The following PRDM16 variants were observed in gnomAD, a reference collection of about 807,000 sequenced individuals.
PRDM16 encodes histone-lysine N-methyltransferase PRDM16.
PRDM16 carries 23 observed loss-of-function variants against 110.6 expected under a neutral mutation model. The ratio of observed to expected loss-of-function variants is 0.21; its 90% CI spans 0.15 to 0.29. The LOEUF is 0.29. PRDM16 is among the 10% of genes least tolerant of loss of function. The pLI is 1.00. For synonymous variants in PRDM16, 799 were observed against 781.8 expected (o/e 1.02, Z -0.37); for missense variants, 1,615 against 1,794.3 (o/e 0.90, Z 1.81).
intron 3 of PRDM16, among the ~76,000 whole-genome samples, chr1:3,354,687 T>A (rs1432549105): frequency 1.3e-5 from 2 of 152,130 alleles, no homozygotes; most frequent in African/African-American, 4.8e-5. Flanking sequence ...TTCTATTGGA[T>A]AATTTCCTTT....
chr1:3,242,896 C>T (rs1184496851), intron 2 of PRDM16, among the ~76,000 whole-genome samples: 1 of 152,224 alleles, frequency 6.6e-6, no homozygotes, highest in Non-Finnish European at 1.5e-5. Flanking sequence ...TCCGTATACT[C>T]GACCGTGCAT....
At chr1:3,292,189 T>G (rs902437510) in intron 3 of PRDM16, among the ~76,000 whole-genome samples, 1 of 152,220 alleles carries the variant, frequency 6.6e-6, no homozygotes, top group South Asian at 2.1e-4. Context: ...CAGGTTGAGC[T>G]GTTCTGTCCA....
At position 3,104,224 on chromosome 1, in the gene PRDM16, G is replaced by A. The variant is rs138705191; in HGVS notation, c.37+34928G>A. The stretch of plus-strand genomic sequence containing the variant: ...CTTTTCAGAACTCCAGCTCCCAGGC[G>A]GCACTGTGGGGACCCAGGAGGCGGC... On this transcript the variant is annotated intron_variant, in intron 1 of 16. Transcript: ENST00000270722. Among the ~76,000 whole-genome samples the A allele has an allele frequency of 2.5e-3, 377 of 152,302 alleles. 3 individuals carry two copies. Among genetic ancestry groups the A allele is most frequent in the African/African-American group, 8.6e-3 (358 of 41,572 alleles).
intron 16 of PRDM16, among the ~76,000 whole-genome samples, chr1:3,432,719 C>T (rs1157124437): frequency 2.0e-5 from 3 of 152,236 alleles, no homozygotes; most frequent in African/African-American, 7.2e-5. Context: ...AGGGAACAGG[C>T]CCGCCCCAGG....
intron 1 of PRDM16, among the ~76,000 whole-genome samples, chr1:3,155,058 C>T (rs1643837389): frequency 6.6e-6 from 1 of 152,184 alleles, no homozygotes; most frequent in South Asian, 2.1e-4. Flanking sequence ...CCAGGGGGTG[C>T]TCCATGTGGG....
At chr1:3,386,273 T>C (rs995377696) in intron 4 of PRDM16, among the ~76,000 whole-genome samples, 1 of 151,630 alleles carries the variant, frequency 6.6e-6, no homozygotes, top group Non-Finnish European at 1.5e-5. Flanking sequence ...CTGTGAAAAA[T>C]GTGTGTGAAG....
In PRDM16 at chr1:3,359,251, G is replaced by A. The variant is rs894006776; in HGVS notation, c.439-25901G>A. Among the ~76,000 whole-genome samples the A allele has an allele frequency of 3.3e-5, 5 of 152,076 alleles. No individual in the cohort carries two copies. Among genetic ancestry groups the A allele is most frequent in the African/African-American group, 1.2e-4 (5 of 41,380 alleles). On this transcript the variant is annotated intron_variant, in intron 3 of 16. Transcript: ENST00000270722. The surrounding 1 kb of genome is among the most constrained non-coding windows in gnomAD (Gnocchi z 4.3). ...CTTGGGGTCTCACTATGTTCCCCAG[G>A]CTTATACACATTTTTAAATGCAGAC...
Position 3,147,538 on chromosome 1 carries a change from T to A in PRDM16, c.38-38587T>A, listed in dbSNP as rs187270629. The stretch of plus-strand genomic sequence containing the variant: ...GCTGTCTTCTCTTTGAGAAATGGGA[T>A]CTCCAGTGTCTGGAAACTATCATCA... On this transcript the variant is annotated intron_variant, in intron 1 of 16. Transcript: ENST00000270722. Among the ~76,000 whole-genome samples the A allele has an allele frequency of 1.5e-4, 23 of 152,220 alleles. No individual in the cohort carries two copies. The East Asian group carries it at 4.4e-3, about 29-fold the overall frequency.
At chr1:3,214,675 G>C (rs1160030711) in intron 2 of PRDM16, among the ~76,000 whole-genome samples, 1 of 152,214 alleles carries the variant, frequency 6.6e-6, no homozygotes. Context: ...GCATCTCGCA[G>C]GGGCAAGAAT....
At chr1:3,230,403 C>T (rs578010378) in intron 2 of PRDM16, among the ~76,000 whole-genome samples, 3 of 152,296 alleles carry the variant, frequency 2.0e-5, no homozygotes, top group Admixed American at 6.5e-5. Context: ...GCTCAGTTAG[C>T]GCCGGACTCA....
intron 3 of PRDM16, among the ~76,000 whole-genome samples, chr1:3,356,267 C>T (rs190820225): frequency 6.6e-6 from 1 of 152,198 alleles, no homozygotes; most frequent in African/African-American, 2.4e-5. Flanking sequence ...AAAGCCCCCC[C>T]CAGCCCCCCT....
intron 12 of PRDM16, among the ~76,000 whole-genome samples, chr1:3,419,234 AC>A (rs1300283681): frequency 2.2e-4 from 34 of 152,178 alleles, no homozygotes; most frequent in African/African-American, 7.7e-4. Flanking sequence ...CCCACCCCCC[AC>A]TTGGAGCCCA....
intron 3 of PRDM16, among the ~76,000 whole-genome samples, chr1:3,267,410 C>T (rs973458184): frequency 2.0e-5 from 3 of 152,186 alleles, no homozygotes; most frequent in South Asian, 4.1e-4. Flanking sequence ...TCTATCCACT[C>T]GTCCCTGACC....
chr1:3,420,735 G>A (rs147131151), intron 12 of PRDM16, among the ~76,000 whole-genome samples: 1 of 105,204 alleles, frequency 9.5e-6, no homozygotes, highest in East Asian at 3.2e-4. Flanking sequence ...TGAGTTAATG[G>A]CAGTCTTATT....
chr1:3,431,154 G>A, intron 15 of PRDM16, 46 bp downstream of exon 15: 8 of 1,534,348 alleles, frequency 5.2e-6, no homozygotes, highest in Non-Finnish European at 6.2e-6. Context: ...AGGGAACGTG[G>A]GCGTCCATCA....
intron 1 of PRDM16, among the ~76,000 whole-genome samples, chr1:3,099,553 G>A (rs79191971): frequency 0.076 from 11,526 of 152,248 alleles, 470 homozygotes; most frequent in African/African-American, 0.086. Context: ...GCTGGTGCTG[G>A]GCTGTGAATG....
rs1470416650 is a variant in PRDM16 at position 3,143,566 on chromosome 1, C to T, written c.38-42559C>T. On this transcript the variant is annotated intron_variant, in intron 1 of 16. Transcript: ENST00000270722. This position sits in a 1 kb window ranked among gnomAD's most constrained non-coding sequence, Gnocchi z 4.5. ...AATCTCCGCTCACTGCAGTCTCTGC[C>T]TCCCGGGTTCAAGGATTCTCCTGCC... is the stretch of plus-strand genomic sequence containing the variant. Among the ~76,000 whole-genome samples, 2 of 152,182 alleles carry T rather than the reference C, an allele frequency of 1.3e-5. No homozygotes were observed. Among genetic ancestry groups the T allele is most frequent in the Non-Finnish European group, 2.9e-5 (2 of 68,038 alleles).
chr1:3,198,574 C>T lies in PRDM16; in HGVS notation c.387+12100C>T, dbSNP rs1638539500. ...CGCGTGGGCAGCACCACCGTGCTTT[C>T]CAGGGAGCTGGCTTGGTGAGTGGGC... On this transcript the variant is annotated intron_variant, in intron 2 of 16. Coordinates refer to ENST00000270722, the MANE Select transcript of PRDM16 (RefSeq NM_022114.4). 2.0e-5 allele frequency among the ~76,000 whole-genome samples: 3 copies of T among 152,314 alleles called. No individual in the cohort carries two copies. In the South Asian group the frequency reaches 6.2e-4, roughly 32 times the overall value.
intron 5 of PRDM16, among the ~76,000 whole-genome samples, chr1:3,396,974 A>G (rs1306164820): frequency 2.6e-5 from 4 of 152,194 alleles, no homozygotes; most frequent in Non-Finnish European, 2.9e-5. Flanking sequence ...AGCAGCAGCA[A>G]CAGCAGCCTT....
Sources: gnomAD v4.1 joint callset for allele counts (sites outside exome capture counted in the v4.1 genomes callset) on GRCh38, gnomAD v4.1.1 for gene constraint, Gnocchi (gnomAD v3.1) non-coding constraint, MANE v1.5 for transcripts, NCBI Gene and HGNC (gene_info 2026-07-23, HGNC 2026-07-21) for gene names.